CACNA1A: variants seen among roughly 807,000 people sequenced by gnomAD.
CACNA1A encodes the protein voltage-dependent P/Q-type calcium channel subunit alpha-1A.
A neutral mutation model predicts 262.4 loss-of-function variants in CACNA1A; 57 were observed. The ratio of observed to expected loss-of-function variants is 0.22; its 90% CI spans 0.18 to 0.27. The LOEUF (loss-of-function observed/expected upper bound fraction) is 0.27. Among genes scored for constraint, CACNA1A ranks in the 10% least tolerant of loss-of-function variants. The pLI is 1.00. For missense variants in CACNA1A, 2,526 were observed against 3,562.8 expected (o/e 0.71, Z 7.41); for synonymous variants, 1,431 against 1,419.3 (o/e 1.01, Z -0.18).
intron 3 of CACNA1A, among the ~76,000 whole-genome samples, chr19:13,388,245 C>CT (rs1161893626): frequency 0.011 from 930 of 85,706 alleles, 78 homozygotes; most frequent in East Asian, 0.031. Context: ...TCTTCCTCTT[C>CT]TTTTTTTTTT....
At chr19:13,438,767 G>A (rs968934789) in intron 3 of CACNA1A, among the ~76,000 whole-genome samples, 8 of 152,160 alleles carry the variant, frequency 5.3e-5, no homozygotes, top group African/African-American at 1.2e-4. Flanking sequence ...TTACACAGCC[G>A]TATTATGGCA....
chr19:13,329,486 CTTT>C (rs35821858), intron 10 of CACNA1A, among the ~76,000 whole-genome samples: 9 of 123,800 alleles, frequency 7.3e-5, no homozygotes, highest in Admixed American at 8.2e-5. Flanking sequence ...TGGTTTGTGT[CTTT>C]TTTTTTTTTT....
At chr19:13,346,123 G>T (rs960013031) in intron 6 of CACNA1A, among the ~76,000 whole-genome samples, 1 of 151,978 alleles carries the variant, frequency 6.6e-6, no homozygotes, top group African/African-American at 2.4e-5. Context: ...AGGCTGGTCT[G>T]GAACTCTTGA....
chr19:13,307,644 T>C (rs1274521888), intron 15 of CACNA1A, 138 bp downstream of exon 15: 6 of 673,722 alleles, frequency 8.9e-6, no homozygotes, highest in African/African-American at 5.4e-5. Flanking sequence ...ATGATAACCA[T>C]AAAATCTGTG....
At chr19:13,209,742 C>T (rs2054733000) in intron 44 of CACNA1A, among the ~76,000 whole-genome samples, 1 of 152,208 alleles carries the variant, frequency 6.6e-6, no homozygotes, top group Non-Finnish European at 1.5e-5. Flanking sequence ...CAGGACTGCT[C>T]CTTTTGAGCC....
At chr19:13,470,581 T>G (rs2061331060) in intron 1 of CACNA1A, among the ~76,000 whole-genome samples, 1 of 152,192 alleles carries the variant, frequency 6.6e-6, no homozygotes. Flanking sequence ...TGCATGCATT[T>G]CGATGTATTT....
chr19:13,482,006 C>A (rs1289070408), intron 1 of CACNA1A, among the ~76,000 whole-genome samples: 1 of 152,108 alleles, frequency 6.6e-6, no homozygotes, highest in Non-Finnish European at 1.5e-5. Context: ...CAGAGGACCC[C>A]ACACTCAAGC....
chr19:13,339,338 A>G (rs1206283891), intron 6 of CACNA1A, among the ~76,000 whole-genome samples: 1 of 152,158 alleles, frequency 6.6e-6, no homozygotes, highest in Non-Finnish European at 1.5e-5. Flanking sequence ...ATTTATAAAA[A>G]CAGAAAGTAG....
intron 3 of CACNA1A, among the ~76,000 whole-genome samples, chr19:13,427,720 G>C (rs2060429143): frequency 6.6e-6 from 1 of 152,054 alleles, no homozygotes; most frequent in Non-Finnish European, 1.5e-5. Context: ...CATAACAACT[G>C]CTCAGTGTTA....
chr19:13,466,556 G>C (rs2145008690), intron 1 of CACNA1A, among the ~76,000 whole-genome samples: 1 of 152,086 alleles, frequency 6.6e-6, no homozygotes, highest in African/African-American at 2.4e-5. Context: ...GGCCAGACTG[G>C]TCTCGAACTC....
intron 1 of CACNA1A, among the ~76,000 whole-genome samples, chr19:13,490,685 AAAGAAAG>A (rs1297436715): frequency 3.7e-5 from 4 of 108,130 alleles, no homozygotes; most frequent in Admixed American, 1.0e-4. Flanking sequence ...AGAGAGAGAG[AAAGAAAG>A]GAAAGAAAGA....
intron 3 of CACNA1A, 35 bp downstream of exon 3, chr19:13,452,841 A>C (rs1337408471): frequency 6.3e-7 from 1 of 1,591,492 alleles, no homozygotes; most frequent in Admixed American, 1.7e-5. Context: ...TCCTTCAGCT[A>C]GTTAAATCCA....
At chr19:13,382,143 A>C (rs1415273719) in intron 3 of CACNA1A, among the ~76,000 whole-genome samples, 1 of 152,088 alleles carries the variant, frequency 6.6e-6, no homozygotes, top group East Asian at 1.9e-4. Flanking sequence ...TGAGTGAGTG[A>C]GAGATTCAAC....
At chr19:13,251,444 C>T (rs2056395535) in intron 30 of CACNA1A, among the ~76,000 whole-genome samples, 1 of 152,178 alleles carries the variant, frequency 6.6e-6, no homozygotes, top group Non-Finnish European at 1.5e-5. Flanking sequence ...GATTGCGCCA[C>T]TGCACTCCAG....
chr19:13,324,320 T>C (rs899061453), intron 10 of CACNA1A, among the ~76,000 whole-genome samples: 1 of 117,336 alleles, frequency 8.5e-6, no homozygotes, highest in Non-Finnish European at 1.6e-5. Flanking sequence ...TAGTGATCTA[T>C]TGCATTGCAT....
intron 46 of CACNA1A, 27 bp downstream of exon 46, chr19:13,208,729 C>G (rs16053): frequency 1.3e-6 from 2 of 1,556,596 alleles, no homozygotes; most frequent in African/African-American, 2.7e-5. Flanking sequence ...CCGAGCCCAG[C>G]CTGGGGTCAC....
At chr19:13,463,798 G>A (rs1245835085) in intron 1 of CACNA1A, among the ~76,000 whole-genome samples, 1 of 152,200 alleles carries the variant, frequency 6.6e-6, no homozygotes, top group African/African-American at 2.4e-5. Flanking sequence ...ACTCAGGGCT[G>A]CTAAATCATG....
chr19:13,311,019 C>T (rs2058024964), intron 12 of CACNA1A, among the ~76,000 whole-genome samples: 2 of 152,116 alleles, frequency 1.3e-5, no homozygotes, highest in South Asian at 4.2e-4. Context: ...TCTTGAACTC[C>T]TGACTTCAGG....
intron 17 of CACNA1A, among the ~76,000 whole-genome samples, chr19:13,302,410 G>A (rs2057804816): frequency 6.6e-6 from 1 of 152,178 alleles, no homozygotes; most frequent in African/African-American, 2.4e-5. Flanking sequence ...CACACAGTAG[G>A]TGCTCATTAA....
Sources: allele counts gnomAD v4.1 joint callset (sites outside exome capture counted in the v4.1 genomes callset), GRCh38; gene constraint gnomAD v4.1.1; transcripts MANE v1.5; gene names NCBI Gene and HGNC (gene_info 2026-07-23, HGNC 2026-07-21).